The following PFKP variants were observed in gnomAD, a reference collection of about 807,000 sequenced individuals.
PFKP encodes ATP-dependent 6-phosphofructokinase, platelet type.
Under a neutral mutation model 94.3 loss-of-function variants are expected in PFKP, and 101 were observed. That is an observed-to-expected ratio of 1.07 (90% CI 0.91 to 1.26). The LOEUF (loss-of-function observed/expected upper bound fraction) is 1.26. PFKP is among the 50% of genes most tolerant of loss of function. PFKP has a pLI of 0.00. For synonymous variants in PFKP, 573 were observed against 432.6 expected, an observed-to-expected ratio of 1.32 and a Z score of -4.03; for missense variants, 1,145 against 1,103.3, an observed-to-expected ratio of 1.04 and a Z score of -0.53.
chr10:3,083,882 A>T (rs1775585530), intron 2 of PFKP, among the ~76,000 whole-genome samples: 1 of 152,112 alleles, frequency 6.6e-6, no homozygotes, highest in South Asian at 2.1e-4. Flanking sequence ...ACCTCAGGTG[A>T]TCTGCCTGCC....
At chr10:3,088,982 A>T (rs925360776) in intron 2 of PFKP, among the ~76,000 whole-genome samples, 7 of 152,052 alleles carry the variant, frequency 4.6e-5, no homozygotes, top group Non-Finnish European at 8.8e-5. Context: ...CCCAGGCTGG[A>T]GTGCAATGGC....
Position 3,103,790 on chromosome 10 carries a change from A to C in PFKP, c.466A>C (p.Lys156Gln), listed in dbSNP as rs1435421642. 1 of 1,613,738 alleles carries C rather than the reference A, an allele frequency of 6.2e-7. No individual in the cohort carries two copies. Among genetic ancestry groups the C allele is most frequent in the Admixed American group, 1.7e-5 (1 of 60,010 alleles). The change falls in exon 5 of 22, where the codon AAG becomes CAG. Residue 156 changes from lysine (K) to glutamine (Q), a missense_variant. Physicochemically the swap from Lys to Gln is moderately conservative, Grantham distance 53. Coordinates refer to ENST00000381125, the MANE Select transcript of PFKP (RefSeq NM_002627.5). Reference protein sequence around the residue: ...EELARNGQIDKEAVQKYAYLN... With the variant: ...EELARNGQIDQEAVQKYAYLN... ...TGCTCCCCGCGCAGGCCAGATCGAT[A>C]AGGAGGCCGTGCAGAAGTACGCCTA...
chr10:3,108,088 T>C (rs1247584287), intron 8 of PFKP: 3 of 1,114,150 alleles, frequency 2.7e-6, no homozygotes, highest in East Asian at 5.9e-5. Context: ...TTATAAGTGG[T>C]CATCCATAAA....
chr10:3,125,503 G>C (rs1178226438), intron 16 of PFKP, among the ~76,000 whole-genome samples: 1 of 152,128 alleles, frequency 6.6e-6, no homozygotes, highest in African/African-American at 2.4e-5. Context: ...CTAGACTAGG[G>C]GAGCCGCAGG....
chr10:3,120,170 C>T lies in PFKP; in HGVS notation c.1683+126C>T. 7.8e-6 allele frequency: 6 copies of T among 766,238 alleles called. No individual in the cohort carries two copies. In the South Asian group the frequency reaches 9.0e-5, roughly 11 times the overall value. The allele number at this position is 766,238 out of a possible 1,614,324, so 47.5% of individuals were successfully genotyped here. ...ATACCCTGAATGAGAGCTTCTCGTT[C>T]TTTTTTTCCCCCAGAAAAGTATGTT... On this transcript the variant is annotated intron_variant, in intron 16 of 21. Transcript: ENST00000381125.
At chr10:3,089,035 G>A (rs766311191) in intron 2 of PFKP, among the ~76,000 whole-genome samples, 3 of 152,070 alleles carry the variant, frequency 2.0e-5, no homozygotes, top group Non-Finnish European at 2.9e-5. Flanking sequence ...GGGTTCAAGC[G>A]ATTCTCCTGC....
intron 2 of PFKP, among the ~76,000 whole-genome samples, chr10:3,093,845 G>C (rs184803823): frequency 1.3e-5 from 2 of 151,934 alleles, no homozygotes; most frequent in African/African-American, 4.8e-5. Context: ...GGGTTTCACC[G>C]TGTTAGCCAG....
intron 10 of PFKP, among the ~76,000 whole-genome samples, chr10:3,111,504 G>A (rs1387690263): frequency 1.3e-5 from 2 of 152,140 alleles, no homozygotes; most frequent in Non-Finnish European, 2.9e-5. Flanking sequence ...CCCTGACCTT[G>A]AAACCACCCT....
Position 3,129,807 on chromosome 10 carries a change from C to G in PFKP, c.1684-12C>G. On this transcript the variant is annotated splice_polypyrimidine_tract_variant and intron_variant, in intron 16 of 21. Transcript: ENST00000381125. The stretch of plus-strand genomic sequence containing the variant: ...CCTGGGCTGGAGTGACTGATCGCTT[C>G]TCTGTGACCAGACCTGCGACCGCAT... 1.2e-6 allele frequency: 2 copies of G among 1,613,114 alleles called. No individual in the cohort carries two copies. Among genetic ancestry groups the G allele is most frequent in the Non-Finnish European group, 1.7e-6 (2 of 1,179,854 alleles).
Position 3,101,554 on chromosome 10 carries a change from G to T in PFKP, c.454G>T (p.Gly152Cys). ...SGLLEELARN[G>C]QIDKEAVQKY... is the part of the protein sequence containing the mutation. ...GCTGCTGGAGGAGCTGGCCAGGAAC[G>T]GTGAGTGGACACCTGCTCCTCTGTC... The change falls in exon 4 of 22, where the codon GGC becomes TGC. Residue 152 changes from glycine to cysteine, a missense_variant and splice_region_variant. This residue lies in a region of PFKP where 1,119 missense variants were observed against 1,062.8 expected (regional missense o/e 1.05). Transcript: ENST00000381125. 1 of 1,530,670 alleles carries T rather than the reference G, an allele frequency of 6.5e-7. No homozygotes were observed. Among genetic ancestry groups the T allele is most frequent in the Non-Finnish European group, 8.8e-7 (1 of 1,138,404 alleles). 94.8% of individuals were successfully genotyped at this position (1,530,670 alleles called of 1,614,324 possible).
intron 2 of PFKP, among the ~76,000 whole-genome samples, chr10:3,088,264 C>A (rs542473962): frequency 6.7e-6 from 1 of 150,360 alleles, no homozygotes; most frequent in East Asian, 2.0e-4. Flanking sequence ...TTTGTCCTTG[C>A]GATAGTTTGC....
intron 16 of PFKP, among the ~76,000 whole-genome samples, chr10:3,120,862 C>T (rs909021694): frequency 4.6e-5 from 7 of 152,222 alleles, no homozygotes; most frequent in Admixed American, 2.0e-4. Context: ...TTGTGTGTCA[C>T]GCTTGGTAAT....
chr10:3,124,402 G>A (rs536095493), intron 16 of PFKP, among the ~76,000 whole-genome samples: 67 of 152,308 alleles, frequency 4.4e-4, no homozygotes, highest in Admixed American at 6.5e-4. Flanking sequence ...CGGTGTACAC[G>A]GGCTCAAGAA....
At chr10:3,069,194 C>T (rs1831989206) in intron 1 of PFKP, 5 of 1,257,636 alleles carry the variant, frequency 4.0e-6, no homozygotes, top group Non-Finnish European at 5.0e-6. Flanking sequence ...GCCCCGCAGC[C>T]CGCCCTGCAG....
chr10:3,123,912 T>C (rs1381405910), intron 16 of PFKP, among the ~76,000 whole-genome samples: 1 of 152,224 alleles, frequency 6.6e-6, no homozygotes, highest in African/African-American at 2.4e-5. Context: ...GGCTGTGCCA[T>C]GGGGTGCGGG....
rs1413131043 is a variant in PFKP, at chr10:3,133,246, C to T, written c.1954C>T (p.Gln652Ter). ...AAACTACACCACCGACTTCATTTAC[C>T]AGCTGTATTCAGAAGAGGGCAAAGG... Reference protein sequence around the residue: ...SENYTTDFIYQLYSEEGKGVF... With the variant: ...SENYTTDFIY The change falls in exon 19 of 22, where the codon CAG becomes TAG. Residue 652 changes from glutamine (Q) to a stop codon, truncating the protein, a stop_gained. Coordinates refer to ENST00000381125, the MANE Select transcript of PFKP (RefSeq NM_002627.5). LOFTEE classifies it high-confidence loss of function. The T allele has an allele frequency of 1.2e-6, 2 of 1,613,942 alleles. No homozygotes were observed. The highest frequency in any genetic ancestry group is 1.3e-5 in the African/African-American group (1 of 74,900).
chr10:3,119,129 TTAA>T (rs3842696), intron 15 of PFKP, among the ~76,000 whole-genome samples: 51,325 of 151,796 alleles, frequency 0.34, 8,981 homozygotes, highest in Admixed American at 0.42. Flanking sequence ...CAGTGAGCTC[TTAA>T]TGTATTTCAG....
chr10:3,116,873 C>G (rs746431215), intron 14 of PFKP, 27 bp downstream of exon 14: 1 of 1,523,080 alleles, frequency 6.6e-7, no homozygotes, highest in Non-Finnish European at 9.1e-7. Context: ...AACTCTATGA[C>G]CTGCTTTTAA....
intron 21 of PFKP, 79 bp from the exon 22 acceptor site, chr10:3,136,371 C>T (rs148697244): frequency 2.6e-4 from 389 of 1,496,680 alleles, no homozygotes; most frequent in African/African-American, 2.2e-3. Context: ...CTGGCAAGAC[C>T]GCTCGCTGTG....
Sources: allele counts gnomAD v4.1 joint callset (sites outside exome capture counted in the v4.1 genomes callset), GRCh38; gene constraint gnomAD v4.1.1; regional missense constraint gnomAD v4.1.1; transcripts MANE v1.5; gene names NCBI Gene and HGNC (gene_info 2026-07-23, HGNC 2026-07-21).